POTEB2: variants seen among roughly 807,000 people sequenced by gnomAD.
POTEB2 encodes the protein POTE ankyrin domain family member B2, also known as POTE ankyrin domain family, member B2.
In POTEB2, 1 loss-of-function variant was observed where a neutral mutation model predicts 1.8. That is an observed-to-expected ratio of 0.55 (90% confidence interval 0.20 to 2.62). POTEB2 has a LOEUF of 2.62. Among genes scored for constraint, POTEB2 ranks in the 30% most tolerant of loss-of-function variants. POTEB2 has a pLI of 0.24.
At chr15:20,839,892 A>ATATATATATTAAAGAAAAT (rs1889429684) in intron 9 of POTEB2, among the ~76,000 whole-genome samples, 1 of 17,666 alleles carries the variant, frequency 5.7e-5, no homozygotes, top group Non-Finnish European at 1.1e-4. Flanking sequence ...ATATATATAT[A>ATATATATATTAAAGAAAAT]TATATATATA....
Position 20,836,416 on chromosome 15 carries a change from C to T in POTEB2, c.1423-813G>A, listed in dbSNP as rs868072157. Among the ~76,000 whole-genome samples, 27 of 83,250 alleles carry T rather than the reference C, an allele frequency of 3.2e-4. 1 individual carries two copies. The East Asian group carries it at 6.8e-3, about 21-fold the overall frequency. 54.6% of individuals were successfully genotyped at this position (83,250 alleles called of 152,430 possible). On this transcript the variant is annotated intron_variant, in intron 10 of 10. Coordinates refer to ENST00000454856, the MANE Select transcript of POTEB2 (RefSeq NM_001277303.1). ...ACACACACACACACACACACACACA[C>T]ATATATATATGCAACGTGCAAGATT... is the stretch of plus-strand genomic sequence containing the variant.
intron 9 of POTEB2, among the ~76,000 whole-genome samples, chr15:20,839,870 A>T (rs1818526): frequency 0.035 from 12 of 340 alleles, no homozygotes; most frequent in Non-Finnish European, 0.042. Context: ...AAAGAAAATT[A>T]TATATATATA....
At chr15:20,843,590 GA>G (rs1305011730) in intron 9 of POTEB2, among the ~76,000 whole-genome samples, 5 of 60,874 alleles carry the variant, frequency 8.2e-5, no homozygotes, top group African/African-American at 2.0e-4. Flanking sequence ...TAATCTTGAG[GA>G]AAAACAATGC....
chr15:20,843,547 G>T (rs1310957220), intron 9 of POTEB2, among the ~76,000 whole-genome samples: 1 of 58,138 alleles, frequency 1.7e-5, no homozygotes, highest in African/African-American at 7.2e-5. Context: ...GGAAGAAAAG[G>T]GCCTAGATTT....
At chr15:20,860,808 G>GT (rs1166340675) in intron 3 of POTEB2, among the ~76,000 whole-genome samples, 5 of 33,892 alleles carry the variant, frequency 1.5e-4, no homozygotes, top group Admixed American at 3.5e-4. Context: ...CAAATTCAGT[G>GT]TTTTTTTTTT....
intron 9 of POTEB2, among the ~76,000 whole-genome samples, chr15:20,839,300 C>T (rs1889410399): frequency 1.0e-5 from 1 of 99,824 alleles, no homozygotes. Flanking sequence ...TCAAAGTGAG[C>T]CAACCACTTA....
intron 9 of POTEB2, among the ~76,000 whole-genome samples, chr15:20,839,233 A>G (rs1320121096): frequency 2.5e-5 from 3 of 119,004 alleles, no homozygotes; most frequent in Non-Finnish European, 5.0e-5. Flanking sequence ...ATAAATAAAT[A>G]AATAAATAAA....
intron 10 of POTEB2, among the ~76,000 whole-genome samples, chr15:20,836,484 A>C (rs1350256006): frequency 3.8e-5 from 2 of 52,278 alleles, no homozygotes; most frequent in African/African-American, 1.4e-4. Context: ...TCCTCCACAA[A>C]ATCAGTTGCT....
intron 9 of POTEB2, among the ~76,000 whole-genome samples, chr15:20,839,136 A>G (rs1889405749): frequency 1.2e-5 from 1 of 81,310 alleles, no homozygotes; most frequent in African/African-American, 6.3e-5. Context: ...TTAATGGCCT[A>G]AACCTAAGAC....
In POTEB2 at chr15:20,860,805, A is replaced by C. The variant is rs1205502365; in HGVS notation, c.699+237T>G. Among the ~76,000 whole-genome samples, 2 of 35,938 alleles carry C rather than the reference A, an allele frequency of 5.6e-5. 1 individual carries two copies. The highest frequency in any genetic ancestry group is 8.5e-5 in the Non-Finnish European group (2 of 23,458). 23.6% of individuals were successfully genotyped at this position (35,938 alleles called of 152,430 possible). ...AAAAAGTATTACCTTTTACAAATTC[A>C]GTGTTTTTTTTTTTTAAAAAGCATT... On this transcript the variant is annotated intron_variant, in intron 3 of 10. Coordinates refer to ENST00000454856, the MANE Select transcript of POTEB2 (RefSeq NM_001277303.1).
intron 9 of POTEB2, among the ~76,000 whole-genome samples, chr15:20,839,276 A>G (rs1218449421): frequency 1.8e-5 from 2 of 111,652 alleles, no homozygotes; most frequent in Non-Finnish European, 3.5e-5. Flanking sequence ...TCAGCACAGC[A>G]AAAGAAATAA....
At chr15:20,845,583 TA>T (rs1889497705) in intron 9 of POTEB2, among the ~76,000 whole-genome samples, 1 of 36,216 alleles carries the variant, frequency 2.8e-5, no homozygotes, top group African/African-American at 2.3e-4. Flanking sequence ...CTTCTGAAGC[TA>T]AAATAAAAGT....
chr15:20,836,416 C>CACACACACACAT (rs1349210388), intron 10 of POTEB2, among the ~76,000 whole-genome samples: 1 of 83,200 alleles, frequency 1.2e-5, no homozygotes. Context: ...CACACACACA[C>CACACACACACAT]ATATATATAT....
At chr15:20,860,449 A>G (rs1316779855) in intron 3 of POTEB2, among the ~76,000 whole-genome samples, 6 of 47,192 alleles carry the variant, frequency 1.3e-4, no homozygotes, top group Middle Eastern at 9.1e-3. Context: ...AAACAAAAAC[A>G]AAAACAAAAA....
Sources: gnomAD v4.1 joint callset for allele counts (sites outside exome capture counted in the v4.1 genomes callset) on GRCh38, gnomAD v4.1.1 for gene constraint, MANE v1.5 for transcripts, NCBI Gene and HGNC (gene_info 2026-07-23, HGNC 2026-07-21) for gene names.